The following MLLT3 variants were observed in gnomAD, a reference collection of about 807,000 sequenced individuals.
The protein encoded by MLLT3 is MLLT3 super elongation complex subunit, also known as protein AF-9.
MLLT3 carries 4 observed loss-of-function variants against 53.2 expected under a neutral mutation model. The observed-to-expected ratio is 0.08, with a 90% CI of 0.04 to 0.17. MLLT3 has a LOEUF of 0.17. Ranked by LOEUF, MLLT3 falls within the 10% of genes least tolerant of loss-of-function variation. MLLT3 has a pLI of 1.00. For synonymous variants in MLLT3, 283 were observed against 230.6 expected, an observed-to-expected ratio of 1.23 and a Z score of -2.06; for missense variants, 569 against 684.0, an observed-to-expected ratio of 0.83 and a Z score of 1.87.
chr9:20,363,281 G>C, intron 7 of MLLT3, 195 bp downstream of exon 7: 2 of 547,466 alleles, frequency 3.7e-6, no homozygotes, highest in Non-Finnish European at 3.0e-6. Flanking sequence ...TAGAGGAAAA[G>C]CCTCTTTCTG....
At chr9:20,433,958 C>CAAAAAAAAAAAAAAAAAA (rs773196575) in intron 4 of MLLT3, among the ~76,000 whole-genome samples, 1 of 133,854 alleles carries the variant, frequency 7.5e-6, no homozygotes, top group African/African-American at 2.8e-5. Context: ...ACTAAAAATA[C>CAAAAAAAAAAAAAAAAAA]AAAAAAAAAA....
intron 2 of MLLT3, among the ~76,000 whole-genome samples, chr9:20,611,777 C>T (rs1251751368): frequency 6.6e-6 from 1 of 152,082 alleles, no homozygotes; most frequent in East Asian, 1.9e-4. Flanking sequence ...CTTCTTCAGT[C>T]GTCAACCACT....
In MLLT3 at chr9:20,466,374, G is replaced by GA. The variant is rs143227257; in HGVS notation, c.194-9589dup. ...TGTTAGTGTCCCCTTAACATTATGT[G>GA]AAAAAAAGCCATGGCTAAAACAAAA... On this transcript the variant is annotated intron_variant, in intron 2 of 10. Coordinates refer to ENST00000380338, the MANE Select transcript of MLLT3 (RefSeq NM_004529.4). Among the ~76,000 whole-genome samples, 1,072 of 152,092 alleles carry GA rather than the reference G, an allele frequency of 7.0e-3. 7 individuals carry two copies. Among genetic ancestry groups the GA allele is most frequent in the African/African-American group, 0.022 (910 of 41,482 alleles).
At chr9:20,611,644 T>A (rs1029714745) in intron 2 of MLLT3, among the ~76,000 whole-genome samples, 3 of 152,108 alleles carry the variant, frequency 2.0e-5, no homozygotes, top group African/African-American at 7.2e-5. Flanking sequence ...TAAGCCATAA[T>A]TTTCTTTAAT....
chr9:20,586,453 A>G (rs78234924), intron 2 of MLLT3, among the ~76,000 whole-genome samples: 24 of 151,950 alleles, frequency 1.6e-4, no homozygotes, highest in African/African-American at 5.1e-4. Flanking sequence ...CCCAAAAGTG[A>G]TATCACTGAC....
chr9:20,448,109 A>G lies in MLLT3; in HGVS notation c.420+14T>C, dbSNP rs1282246375. ...TTTTAATAGGAATGCTTTTCACAAG[A>G]GAGTGCCACTTACCCCTCCTGCCTT... is the stretch of plus-strand genomic sequence containing the variant. On this transcript the variant is annotated intron_variant, in intron 4 of 10. Transcript: ENST00000380338. This position sits in a 1 kb window ranked among gnomAD's most constrained non-coding sequence, Gnocchi z 4.0. The G allele has an allele frequency of 6.2e-7, 1 of 1,602,924 alleles. No homozygotes were observed. The highest frequency in any genetic ancestry group is 1.7e-5 in the Admixed American group (1 of 57,958).
rs1821028491 is a variant in MLLT3 at position 20,621,989 on chromosome 9, G to A, written c.12+256C>T. 4 of 1,400,136 alleles carry A rather than the reference G, an allele frequency of 2.9e-6. No individual in the cohort carries two copies. The highest frequency in any genetic ancestry group is 2.8e-6 in the Non-Finnish European group (3 of 1,084,018). 86.7% of individuals were successfully genotyped at this position (1,400,136 alleles called of 1,614,324 possible). ...TTGTGACTGCAAAGAGGCGAGGAGG[G>A]AGGGAGGCGCGGGGGGTGGAGGGGC... On this transcript the variant is annotated intron_variant, in intron 1 of 10. Coordinates refer to ENST00000380338, the MANE Select transcript of MLLT3 (RefSeq NM_004529.4). This position sits in a 1 kb window ranked among gnomAD's most constrained non-coding sequence, Gnocchi z 7.0.
chr9:20,403,120 A>G (rs937359762), intron 5 of MLLT3, among the ~76,000 whole-genome samples: 1 of 151,894 alleles, frequency 6.6e-6, no homozygotes, highest in African/African-American at 2.4e-5. Flanking sequence ...CCCCTTTTAA[A>G]AAAAAAAAAA....
intron 2 of MLLT3, among the ~76,000 whole-genome samples, chr9:20,569,171 A>G (rs1187215835): frequency 1.3e-5 from 2 of 152,162 alleles, no homozygotes; most frequent in Non-Finnish European, 2.9e-5. Flanking sequence ...ATAAGCCTCA[A>G]TAAGATCAAC....
chr9:20,551,178 T>C (rs1268379531), intron 2 of MLLT3, among the ~76,000 whole-genome samples: 1 of 152,244 alleles, frequency 6.6e-6, no homozygotes, highest in Non-Finnish European at 1.5e-5. Context: ...CCAGCAGATA[T>C]GAAAGTAAAA....
intron 4 of MLLT3, among the ~76,000 whole-genome samples, chr9:20,433,514 T>C (rs963095518): frequency 1.3e-5 from 2 of 152,092 alleles, no homozygotes. Flanking sequence ...GCCTGGAGGA[T>C]GCCATTCGAA....
At position 20,620,980 on chromosome 9, in the gene MLLT3, G is replaced by A; in HGVS notation, c.13-146C>T. On this transcript the variant is annotated intron_variant, in intron 1 of 10. Transcript: ENST00000380338. The surrounding 1 kb of genome is among the most constrained non-coding windows in gnomAD (Gnocchi z 6.1). ...CCCTCTGCATCCACGTTTCACGCGCGTGGGCGCGCACACTCCACACCCCCA... is the reference window on the plus strand; with the variant it reads ...CCCTCTGCATCCACGTTTCACGCGCATGGGCGCGCACACTCCACACCCCCA... The A allele has an allele frequency of 9.9e-7, 1 of 1,006,360 alleles. No individual in the cohort carries two copies. The highest frequency in any genetic ancestry group is 1.5e-6 in the Non-Finnish European group (1 of 664,820). The allele number at this position is 1,006,360 out of a possible 1,614,324, so 62.3% of individuals were successfully genotyped here. A position where few individuals can be genotyped will look rare whatever the true frequency, so the allele number is the denominator to read the frequency against.
At chr9:20,517,233 T>C (rs1030329155) in intron 2 of MLLT3, among the ~76,000 whole-genome samples, 1 of 152,070 alleles carries the variant, frequency 6.6e-6, no homozygotes. Context: ...TTACAAGGTA[T>C]TGGCCAACAG....
At chr9:20,424,301 G>T (rs756276814) in intron 4 of MLLT3, among the ~76,000 whole-genome samples, 5 of 152,156 alleles carry the variant, frequency 3.3e-5, no homozygotes, top group Non-Finnish European at 5.9e-5. Flanking sequence ...CTTATTAGTA[G>T]AGTTGTGTTC....
intron 5 of MLLT3, among the ~76,000 whole-genome samples, chr9:20,372,537 G>A (rs907445588): frequency 3.4e-5 from 5 of 145,546 alleles, no homozygotes; most frequent in East Asian, 2.0e-4. Flanking sequence ...ACAGGCACCC[G>A]CCACCACGCC....
intron 2 of MLLT3, among the ~76,000 whole-genome samples, chr9:20,506,898 T>G (rs1436962834): frequency 6.6e-6 from 1 of 152,184 alleles, no homozygotes; most frequent in Non-Finnish European, 1.5e-5. Context: ...TTTGATTAAT[T>G]GAAAATTAAA....
chr9:20,427,024 G>GA (rs35127377), intron 4 of MLLT3, among the ~76,000 whole-genome samples: 2 of 151,968 alleles, frequency 1.3e-5, no homozygotes, highest in Non-Finnish European at 2.9e-5. Context: ...TGCTGTTGGG[G>GA]AAAAATACTC....
chr9:20,379,042 T>C (rs977530594), intron 5 of MLLT3, among the ~76,000 whole-genome samples: 2 of 152,088 alleles, frequency 1.3e-5, no homozygotes, highest in African/African-American at 4.8e-5. Flanking sequence ...TCTTCATAAA[T>C]CAATCTATTG....
At chr9:20,482,921 T>G (rs1405244406) in intron 2 of MLLT3, among the ~76,000 whole-genome samples, 1 of 152,194 alleles carries the variant, frequency 6.6e-6, no homozygotes, top group Non-Finnish European at 1.5e-5. Flanking sequence ...GACTTTTATA[T>G]CCTAGAAACA....
Sources: allele counts gnomAD v4.1 joint callset (sites outside exome capture counted in the v4.1 genomes callset), GRCh38; gene constraint gnomAD v4.1.1; non-coding constraint Gnocchi (gnomAD v3.1); transcripts MANE v1.5; gene names NCBI Gene and HGNC (gene_info 2026-07-23, HGNC 2026-07-21).